The following ARMH4 variants were observed in gnomAD, a reference collection of about 807,000 sequenced individuals.
The protein encoded by ARMH4 is armadillo-like helical domain-containing protein 4.
A neutral mutation model predicts 61.9 loss-of-function variants in ARMH4; 49 were observed. That is an observed-to-expected ratio of 0.79 (90% CI 0.63 to 1.00). The LOEUF (loss-of-function observed/expected upper bound fraction) is 1.00. Ranked by LOEUF, ARMH4 falls within the 50% of genes least tolerant of loss-of-function variation. The pLI is 0.00. For missense variants in ARMH4, 934 were observed against 930.0 expected, an observed-to-expected ratio of 1.00 and a Z score of -0.06; for synonymous variants, 368 against 341.5, an observed-to-expected ratio of 1.08 and a Z score of -0.85.
chr14:58,009,610 A>G (rs1233541439), intron 6 of ARMH4, among the ~76,000 whole-genome samples: 4 of 152,124 alleles, frequency 2.6e-5, no homozygotes, highest in African/African-American at 7.2e-5. Flanking sequence ...CAAGAGTTCA[A>G]GACCACCCTG....
intron 7 of ARMH4, 69 bp downstream of exon 7, chr14:58,004,979 T>C: frequency 6.2e-7 from 1 of 1,602,428 alleles, no homozygotes; most frequent in Non-Finnish European, 8.5e-7. Context: ...CCGTGTGCTT[T>C]ATTAAGTAAA....
chr14:58,144,208 T>C (rs1887658411), intron 1 of ARMH4, among the ~76,000 whole-genome samples: 1 of 152,222 alleles, frequency 6.6e-6, no homozygotes, highest in Non-Finnish European at 1.5e-5. Flanking sequence ...CTCTAGTTCA[T>C]AGCCAGGTAA....
chr14:58,131,722 C>T lies in ARMH4; in HGVS notation c.1622-1G>A, dbSNP rs772879260. ...GGCCCTGTGACTGTGTCCATTTGTT[C>T]TGCCAAACACAACAGACAGGACTTG... is the stretch of plus-strand genomic sequence containing the variant. On this transcript the variant is annotated splice_acceptor_variant, in intron 3 of 7. Coordinates refer to ENST00000267485, the MANE Select transcript of ARMH4 (RefSeq NM_001001872.4). LOFTEE classifies it high-confidence loss of function. 6.2e-7 allele frequency: 1 copy of T among 1,612,192 alleles called. No individual in the cohort carries two copies. Among genetic ancestry groups the T allele is most frequent in the Non-Finnish European group, 8.5e-7 (1 of 1,179,672 alleles).
At position 58,002,218 on chromosome 14, in the gene ARMH4, A is replaced by C. The variant is rs760378532; in HGVS notation, c.*2518T>G. ...CTTTTCTGATCCTCTTAATAATCTA[A>C]GCCAACCACTGAAAATCATTATTCC... On this transcript the variant is annotated 3_prime_UTR_variant, in exon 8 of 8. Transcript: ENST00000267485. 2 of 152,166 alleles carry C rather than the reference A, an allele frequency of 1.3e-5. No homozygotes were observed. Among genetic ancestry groups the C allele is most frequent in the Non-Finnish European group, 2.9e-5 (2 of 68,038 alleles). 9.4% of individuals were successfully genotyped at this position (152,166 alleles called of 1,614,324 possible).
chr14:58,019,298 T>C (rs1882727383), intron 5 of ARMH4, among the ~76,000 whole-genome samples: 2 of 152,228 alleles, frequency 1.3e-5, no homozygotes, highest in Non-Finnish European at 2.9e-5. Flanking sequence ...ACTAAGTATG[T>C]TATTAGCTTG....
chr14:58,072,727 A>G (rs1412177230), intron 5 of ARMH4, among the ~76,000 whole-genome samples: 2 of 152,078 alleles, frequency 1.3e-5, no homozygotes, highest in Admixed American at 6.6e-5. Context: ...ATCTAAAAAA[A>G]AAAAAGAATC....
intron 5 of ARMH4, among the ~76,000 whole-genome samples, chr14:58,078,410 G>A (rs900805385): frequency 2.6e-5 from 4 of 152,118 alleles, no homozygotes; most frequent in African/African-American, 7.2e-5. Flanking sequence ...TGTCTCTGAG[G>A]TGCAGCCACC....
At chr14:58,038,675 C>T (rs1031081580) in intron 5 of ARMH4, among the ~76,000 whole-genome samples, 24 of 151,542 alleles carry the variant, frequency 1.6e-4, no homozygotes, top group South Asian at 4.2e-4. Flanking sequence ...ATATAGTGGC[C>T]GGTTTAATAA....
At chr14:58,089,990 G>T (rs1238369974) in intron 5 of ARMH4, among the ~76,000 whole-genome samples, 1 of 152,094 alleles carries the variant, frequency 6.6e-6, no homozygotes, top group African/African-American at 2.4e-5. Flanking sequence ...ATGAATATCT[G>T]GTTAAAAGAT....
chr14:58,138,644 C>T lies in ARMH4; in HGVS notation c.715G>A (p.Ala239Thr). 6.2e-7 allele frequency: 1 copy of T among 1,614,148 alleles called. No individual in the cohort carries two copies. The highest frequency in any genetic ancestry group is 8.5e-7 in the Non-Finnish European group (1 of 1,179,998). The change falls in exon 2 of 8, where the codon GCT becomes ACT. Residue 239 changes from alanine (A) to threonine (T), a missense_variant. Coordinates refer to ENST00000267485, the MANE Select transcript of ARMH4 (RefSeq NM_001001872.4). ...TDHRTTSFPG[A>T]ESTAGSEPGS... ...GGCTCACTGCCTGCTGTGGACTCAG[C>T]ACCAGGAAAAGAAGTTGTCCTGTGG...
chr14:58,146,466 A>G (rs1785523277), intron 1 of ARMH4, among the ~76,000 whole-genome samples: 1 of 152,242 alleles, frequency 6.6e-6, no homozygotes, highest in Non-Finnish European at 1.5e-5. Flanking sequence ...CTTAAAAAGC[A>G]TCTCCTTCAG....
chr14:58,091,791 G>A (rs1030911513), intron 5 of ARMH4, among the ~76,000 whole-genome samples: 6 of 152,170 alleles, frequency 3.9e-5, no homozygotes, highest in Non-Finnish European at 7.4e-5. Flanking sequence ...TATGTGAATA[G>A]AGAGCTTCCT....
In ARMH4 at chr14:58,001,325, CTTA is replaced by C. The variant is rs1881977278; in HGVS notation, c.*3408_*3410del. 6.6e-6 allele frequency: 1 copy of C among 152,120 alleles called. No individual in the cohort carries two copies. 9.4% of individuals were successfully genotyped at this position (152,120 alleles called of 1,614,324 possible). The stretch of plus-strand genomic sequence containing the variant: ...GGCTATTGTGAATAATACTTATAAG[CTTA>C]TTGTGAATAATATGCTTATAAGCAT... On this transcript the variant is annotated 3_prime_UTR_variant, in exon 8 of 8. Coordinates refer to ENST00000267485, the MANE Select transcript of ARMH4 (RefSeq NM_001001872.4).
At chr14:58,026,257 T>C (rs1264813665) in intron 5 of ARMH4, among the ~76,000 whole-genome samples, 1 of 151,782 alleles carries the variant, frequency 6.6e-6, no homozygotes, top group African/African-American at 2.4e-5. Flanking sequence ...AGGAAAGCAA[T>C]AATATTCAAC....
At chr14:58,032,970 G>A (rs980334018) in intron 5 of ARMH4, among the ~76,000 whole-genome samples, 41 of 146,544 alleles carry the variant, frequency 2.8e-4, no homozygotes, top group Non-Finnish European at 5.3e-4. Flanking sequence ...CAACGAGGCT[G>A]GGGGAGGGGC....
At chr14:58,061,229 C>G (rs567689264) in intron 5 of ARMH4, among the ~76,000 whole-genome samples, 1 of 152,328 alleles carries the variant, frequency 6.6e-6, no homozygotes, top group East Asian at 1.9e-4. Context: ...TGAATTTCAA[C>G]CAATTGCCAA....
intron 4 of ARMH4, among the ~76,000 whole-genome samples, chr14:58,104,330 T>C (rs1886098773): frequency 6.6e-6 from 1 of 152,250 alleles, no homozygotes. Flanking sequence ...CTCCTTGTAC[T>C]ACTAGCTTCA....
chr14:58,140,604 T>TAAAA lies in ARMH4; in HGVS notation c.-56-1194_-56-1191dup, dbSNP rs1240816663. ...ATAAATAAATAAATAAATAAATAAA[T>TAAAA]AAAATATAAAAGAGGGCCGGGTGCA... On this transcript the variant is annotated intron_variant, in intron 1 of 7. Coordinates refer to ENST00000267485, the MANE Select transcript of ARMH4 (RefSeq NM_001001872.4). Among the ~76,000 whole-genome samples, 95 of 140,778 alleles carry TAAAA rather than the reference T, an allele frequency of 6.7e-4. 1 individual carries two copies. Among genetic ancestry groups the TAAAA allele is most frequent in the Non-Finnish European group, 1.1e-4 (7 of 65,308 alleles). The allele number at this position is 140,778 out of a possible 152,430, so 92.4% of individuals were successfully genotyped here. A position where few individuals can be genotyped will look rare whatever the true frequency, so the allele number is the denominator to read the frequency against.
chr14:58,133,881 G>A (rs1311695603), intron 2 of ARMH4, among the ~76,000 whole-genome samples: 1 of 152,290 alleles, frequency 6.6e-6, no homozygotes, highest in African/African-American at 2.4e-5. Context: ...CCTCCCATAT[G>A]TACTACAGGG....
Sources: allele counts gnomAD v4.1 joint callset (sites outside exome capture counted in the v4.1 genomes callset), GRCh38; gene constraint gnomAD v4.1.1; transcripts MANE v1.5; gene names NCBI Gene and HGNC (gene_info 2026-07-23, HGNC 2026-07-21).